Variants in SGCZ observed in about 807,000 individuals in gnomAD.
The protein encoded by SGCZ is sarcoglycan zeta.
SGCZ carries 40 observed loss-of-function variants against 41.3 expected under a neutral mutation model. That is an observed-to-expected ratio of 0.97 (90% CI 0.75 to 1.26). The LOEUF is 1.26. SGCZ is among the 50% of genes most tolerant of loss of function. SGCZ has a pLI of 0.00. For synonymous variants in SGCZ, 206 were observed against 137.5 expected (o/e 1.50, Z -3.49); for missense variants, 552 against 369.8 (o/e 1.49, Z -4.04).
chr8:14,372,574 G>A (rs918671870), intron 2 of SGCZ, among the ~76,000 whole-genome samples: 1 of 152,082 alleles, frequency 6.6e-6, no homozygotes, highest in African/African-American at 2.4e-5. Flanking sequence ...AAGTACAGGT[G>A]GGTTAAGTGC....
In SGCZ at chr8:15,186,051, G is replaced by A. The variant is rs182069101; in HGVS notation, c.39+51534C>T. Among the ~76,000 whole-genome samples the A allele has an allele frequency of 5.3e-3, 786 of 148,460 alleles. 7 individuals carry two copies. The highest frequency in any genetic ancestry group is 7.8e-3 in the Admixed American group (116 of 14,808). On this transcript the variant is annotated intron_variant, in intron 1 of 7. Coordinates refer to ENST00000382080, the MANE Select transcript of SGCZ (RefSeq NM_139167.4). ...ATCCTGGCTAACACGGTGAAACCCC[G>A]TCTTTACTAAAAATAAAAAAAATAA... is the stretch of plus-strand genomic sequence containing the variant.
At chr8:14,267,299 T>C (rs1799906322) in intron 3 of SGCZ, among the ~76,000 whole-genome samples, 1 of 152,018 alleles carries the variant, frequency 6.6e-6, no homozygotes, top group African/African-American at 2.4e-5. Context: ...AAAATGAATC[T>C]AAGATCAATG....
chr8:14,096,154 G>A (rs13280472), intron 7 of SGCZ, among the ~76,000 whole-genome samples: 2 of 151,824 alleles, frequency 1.3e-5, no homozygotes, highest in South Asian at 4.1e-4. Flanking sequence ...AATGGGGTGG[G>A]AAGAGAGGGC....
chr8:14,767,010 T>C (rs764154559), intron 1 of SGCZ, among the ~76,000 whole-genome samples: 3 of 152,204 alleles, frequency 2.0e-5, no homozygotes, highest in Non-Finnish European at 2.9e-5. Flanking sequence ...TTTGCAAACA[T>C]CCCATGCTTA....
intron 1 of SGCZ, among the ~76,000 whole-genome samples, chr8:14,635,170 A>T (rs1289576960): frequency 1.3e-5 from 2 of 151,900 alleles, no homozygotes; most frequent in Non-Finnish European, 2.9e-5. Flanking sequence ...AGTAAATTTT[A>T]TGAAAGAAAA....
intron 5 of SGCZ, among the ~76,000 whole-genome samples, chr8:14,134,726 A>G (rs1803145124): frequency 6.6e-6 from 1 of 152,100 alleles, no homozygotes; most frequent in East Asian, 1.9e-4. Flanking sequence ...GCTGCCGCAA[A>G]GACTTCGTTT....
intron 1 of SGCZ, among the ~76,000 whole-genome samples, chr8:15,114,086 A>G (rs993471744): frequency 6.6e-6 from 1 of 152,186 alleles, no homozygotes; most frequent in Non-Finnish European, 1.5e-5. Context: ...GATAAATTTG[A>G]CATTTAATTT....
chr8:14,645,494 A>ATATATATATATATATATG (rs147074591), intron 1 of SGCZ, among the ~76,000 whole-genome samples: 1 of 145,608 alleles, frequency 6.9e-6, no homozygotes, highest in Non-Finnish European at 1.5e-5. Context: ...GTATATATAT[A>ATATATATATATATATATG]TATATATGGC....
At chr8:14,295,703 A>T (rs1800986446) in intron 3 of SGCZ, among the ~76,000 whole-genome samples, 1 of 152,180 alleles carries the variant, frequency 6.6e-6, no homozygotes, top group Non-Finnish European at 1.5e-5. Flanking sequence ...TTCTACTTTT[A>T]TGAAGGTTTT....
At chr8:15,018,115 T>C (rs554255532) in intron 1 of SGCZ, among the ~76,000 whole-genome samples, 7 of 152,110 alleles carry the variant, frequency 4.6e-5, no homozygotes, top group South Asian at 2.1e-4. Context: ...TAAGAAGAAG[T>C]TAATTATACA....
chr8:14,727,964 A>G (rs1810112860), intron 1 of SGCZ, among the ~76,000 whole-genome samples: 1 of 152,218 alleles, frequency 6.6e-6, no homozygotes, highest in South Asian at 2.1e-4. Context: ...GTGCACAGTA[A>G]AAAATACTCT....
chr8:14,232,643 G>A (rs996273516), intron 4 of SGCZ, among the ~76,000 whole-genome samples: 7 of 151,770 alleles, frequency 4.6e-5, no homozygotes, highest in Non-Finnish European at 7.4e-5. Context: ...GGGTACAAGT[G>A]CACAATGTGC....
intron 1 of SGCZ, among the ~76,000 whole-genome samples, chr8:14,990,212 T>A (rs1429975507): frequency 1.3e-5 from 2 of 151,768 alleles, no homozygotes; most frequent in Non-Finnish European, 2.9e-5. Flanking sequence ...GAGTAGAAAA[T>A]CAAAAATATA....
chr8:14,998,229 C>T (rs935056344), intron 1 of SGCZ, among the ~76,000 whole-genome samples: 6 of 152,174 alleles, frequency 3.9e-5, no homozygotes, highest in Admixed American at 2.0e-4. Context: ...CTTTGCCTCA[C>T]TCCTCAGCAA....
intron 4 of SGCZ, among the ~76,000 whole-genome samples, chr8:14,205,151 A>AC (rs1300734653): frequency 1.1e-4 from 16 of 140,182 alleles, no homozygotes; most frequent in Non-Finnish European, 2.0e-4. Context: ...ACTACACACA[A>AC]AAGTGGTATC....
At chr8:14,804,692 A>C (rs1462685638) in intron 1 of SGCZ, among the ~76,000 whole-genome samples, 1 of 128,870 alleles carries the variant, frequency 7.8e-6, no homozygotes. Flanking sequence ...CAATCTAGCA[A>C]GGCAGGCCAA....
At chr8:15,036,390 G>T (rs1803877602) in intron 1 of SGCZ, among the ~76,000 whole-genome samples, 1 of 151,998 alleles carries the variant, frequency 6.6e-6, no homozygotes, top group Non-Finnish European at 1.5e-5. Context: ...GTAACACACA[G>T]TGGGGCCTAT....
chr8:14,371,908 G>C (rs1395122173), intron 2 of SGCZ, among the ~76,000 whole-genome samples: 2 of 152,074 alleles, frequency 1.3e-5, no homozygotes, highest in Non-Finnish European at 2.9e-5. Context: ...AGAAGATGGA[G>C]ATCAATATAG....
intron 1 of SGCZ, among the ~76,000 whole-genome samples, chr8:15,223,340 A>G (rs538907563): frequency 6.6e-6 from 1 of 152,188 alleles, no homozygotes; most frequent in Non-Finnish European, 1.5e-5. Context: ...ATATTTTGGT[A>G]TATATCACTT....
Sources: gnomAD v4.1 joint callset for allele counts (sites outside exome capture counted in the v4.1 genomes callset) on GRCh38, gnomAD v4.1.1 for gene constraint, MANE v1.5 for transcripts, NCBI Gene and HGNC (gene_info 2026-07-23, HGNC 2026-07-21) for gene names.